TRAPPC9: variants seen among roughly 807,000 people sequenced by gnomAD.
TRAPPC9 encodes the protein trafficking protein particle complex subunit 9, also known as IKK2 binding protein.
TRAPPC9 carries 83 observed loss-of-function variants against 124.0 expected under a neutral mutation model. That is an observed-to-expected ratio of 0.67 (90% CI 0.56 to 0.80). The LOEUF is 0.80. Among genes scored for constraint, TRAPPC9 ranks in the 30% least tolerant of loss-of-function variants. The probability of loss-of-function intolerance (pLI) is 0.00; values close to 1 mark genes in which losing one functional copy is unlikely to be tolerated. For missense variants in TRAPPC9, 1,302 were observed against 1,508.3 expected (o/e 0.86, Z 2.27); for synonymous variants, 638 against 617.5 (o/e 1.03, Z -0.49).
At position 140,365,787 on chromosome 8, in the gene TRAPPC9, C is replaced by T. The variant is rs139338440; in HGVS notation, c.1351+5177G>A. Among the ~76,000 whole-genome samples the T allele has an allele frequency of 5.4e-4, 83 of 152,348 alleles. No homozygotes were observed. In the East Asian group the frequency reaches 0.015, roughly 28 times the overall value. On this transcript the variant is annotated intron_variant, in intron 8 of 22. Transcript: ENST00000438773. ...TAAGGACAATTTATTTCAACTTTTA[C>T]TTTAAGTTCAGGGCTACAAGTGAAG...
chr8:139,816,971 A>G (rs1194044567), intron 21 of TRAPPC9, among the ~76,000 whole-genome samples: 1 of 151,620 alleles, frequency 6.6e-6, no homozygotes, highest in Non-Finnish European at 1.5e-5. Context: ...ATTTAAGTGT[A>G]TATTATCTTG....
chr8:140,171,389 A>C (rs2061961032), intron 17 of TRAPPC9, among the ~76,000 whole-genome samples: 1 of 152,346 alleles, frequency 6.6e-6, no homozygotes, highest in East Asian at 1.9e-4. Context: ...TCCATTGAAA[A>C]TATTAAAATT....
chr8:140,345,297 G>A (rs1204622889), intron 9 of TRAPPC9, among the ~76,000 whole-genome samples: 1 of 152,204 alleles, frequency 6.6e-6, no homozygotes, highest in African/African-American at 2.4e-5. Context: ...TGAGTGAGGA[G>A]AAGTAGCCAG....
chr8:140,448,224 T>C (rs2071337565), intron 2 of TRAPPC9, among the ~76,000 whole-genome samples: 1 of 151,328 alleles, frequency 6.6e-6, no homozygotes, highest in South Asian at 2.1e-4. Flanking sequence ...GAGAGGAGGA[T>C]GTATTTGATT....
At chr8:140,455,615 G>C (rs1326466823) in intron 1 of TRAPPC9, among the ~76,000 whole-genome samples, 10 of 151,920 alleles carry the variant, frequency 6.6e-5, no homozygotes, top group Admixed American at 6.6e-4. Context: ...ATTTTTAGTA[G>C]AGAGGGGGTT....
intron 17 of TRAPPC9, among the ~76,000 whole-genome samples, chr8:140,088,542 G>C (rs564709129): frequency 6.6e-6 from 1 of 152,282 alleles, no homozygotes; most frequent in Admixed American, 6.5e-5. Flanking sequence ...TAACAAAGAA[G>C]AAATGGCCAG....
intron 2 of TRAPPC9, among the ~76,000 whole-genome samples, chr8:140,448,060 C>T (rs1342016855): frequency 6.6e-6 from 1 of 150,604 alleles, no homozygotes; most frequent in Non-Finnish European, 1.5e-5. Flanking sequence ...CACAAAGAAT[C>T]GCTTGAGCCC....
At chr8:140,058,621 G>A (rs910808159) in intron 17 of TRAPPC9, among the ~76,000 whole-genome samples, 7 of 152,168 alleles carry the variant, frequency 4.6e-5, no homozygotes, top group Admixed American at 6.5e-5. Flanking sequence ...GCATCCTGAC[G>A]GAAACCTGCA....
At chr8:139,778,164 AAC>A (rs146077374) in intron 21 of TRAPPC9, among the ~76,000 whole-genome samples, 3 of 151,506 alleles carry the variant, frequency 2.0e-5, no homozygotes, top group Non-Finnish European at 3.0e-5. Context: ...CCATCAGTCA[AAC>A]ACACACACAC....
intron 19 of TRAPPC9, among the ~76,000 whole-genome samples, chr8:139,913,297 G>A (rs1272804645): frequency 6.6e-6 from 1 of 152,222 alleles, no homozygotes; most frequent in Non-Finnish European, 1.5e-5. Context: ...TGGGTGTTCT[G>A]TGTGTACGCT....
Position 139,788,510 on chromosome 8 carries a change from G to A in TRAPPC9, c.3056-56308C>T, listed in dbSNP as rs1323639414. ...CACCCTCCAGGCACAGCCAGCCATC[G>A]GGCGGCCCATGGTCCTGGGGCATGG... On this transcript the variant is annotated intron_variant, in intron 21 of 22. Coordinates refer to ENST00000438773, the MANE Select transcript of TRAPPC9 (RefSeq NM_001160372.4). This position sits in a 1 kb window ranked among gnomAD's most constrained non-coding sequence, Gnocchi z 4.9. 2.6e-5 allele frequency among the ~76,000 whole-genome samples: 4 copies of A among 152,162 alleles called. No individual in the cohort carries two copies. Among genetic ancestry groups the A allele is most frequent in the East Asian group, 1.9e-4 (1 of 5,184 alleles).
At chr8:139,898,123 G>A (rs1272598529) in intron 20 of TRAPPC9, among the ~76,000 whole-genome samples, 1 of 152,216 alleles carries the variant, frequency 6.6e-6, no homozygotes, top group Non-Finnish European at 1.5e-5. Context: ...TACGCAAGTG[G>A]GGCTCCTCCT....
chr8:140,063,835 G>C lies in TRAPPC9; in HGVS notation c.2557-39756C>G, dbSNP rs907038049. Among the ~76,000 whole-genome samples, 5 of 151,880 alleles carry C rather than the reference G, an allele frequency of 3.3e-5. No homozygotes were observed. Among genetic ancestry groups the C allele is most frequent in the Admixed American group, 1.3e-4 (2 of 15,250 alleles). ...TTGCCTGCTCTCTTGTCACCCTTTC[G>C]GGTTCACAATTTGCCCGCTTCCTAT... is the stretch of plus-strand genomic sequence containing the variant. On this transcript the variant is annotated intron_variant, in intron 17 of 22. Transcript: ENST00000438773. The surrounding 1 kb of genome is among the most constrained non-coding windows in gnomAD (Gnocchi z 4.3).
intron 17 of TRAPPC9, among the ~76,000 whole-genome samples, chr8:140,219,307 C>G (rs1337661217): frequency 2.0e-5 from 3 of 152,222 alleles, no homozygotes; most frequent in Non-Finnish European, 4.4e-5. Context: ...CAGAATCACA[C>G]AGACCTTGCT....
chr8:139,898,664 C>G (rs1158427073), intron 20 of TRAPPC9, among the ~76,000 whole-genome samples: 1 of 152,152 alleles, frequency 6.6e-6, no homozygotes, highest in Non-Finnish European at 1.5e-5. Flanking sequence ...AGCTTCATAC[C>G]CGCCACATGT....
At chr8:139,779,098 G>T (rs1031632689) in intron 21 of TRAPPC9, among the ~76,000 whole-genome samples, 4 of 152,014 alleles carry the variant, frequency 2.6e-5, no homozygotes, top group Non-Finnish European at 5.9e-5. Context: ...ATCAAAATTA[G>T]ACAGAAAAGA....
Position 139,731,006 on chromosome 8 carries a change from A to G in TRAPPC9, c.*55T>C. ...CCTTGCTCATTGCAGGGGGTGTGGGAGGCCAGGCAGGGTCACCTCTGGCCC... is the reference window on the plus strand; with the variant it reads ...CCTTGCTCATTGCAGGGGGTGTGGGGGGCCAGGCAGGGTCACCTCTGGCCC... On this transcript the variant is annotated 3_prime_UTR_variant, in exon 23 of 23. Transcript: ENST00000438773. 1 of 1,591,544 alleles carries G rather than the reference A, an allele frequency of 6.3e-7. No homozygotes were observed. The highest frequency in any genetic ancestry group is 1.1e-5 in the South Asian group (1 of 89,680).
At chr8:140,331,994 T>A (rs1588163384) in intron 9 of TRAPPC9, among the ~76,000 whole-genome samples, 1 of 151,996 alleles carries the variant, frequency 6.6e-6, no homozygotes, top group East Asian at 1.9e-4. Context: ...GGAAAAGAAA[T>A]CAGGATGTCA....
intron 14 of TRAPPC9, among the ~76,000 whole-genome samples, chr8:140,283,294 CTTTTTTTT>C (rs376320364): frequency 3.1e-5 from 3 of 97,238 alleles, no homozygotes; most frequent in African/African-American, 1.3e-4. Context: ...ATTAAAATTC[CTTTTTTTT>C]TTTTTTTTTT....
Sources: gnomAD v4.1 joint callset for allele counts (sites outside exome capture counted in the v4.1 genomes callset) on GRCh38, gnomAD v4.1.1 for gene constraint, Gnocchi (gnomAD v3.1) non-coding constraint, MANE v1.5 for transcripts, NCBI Gene and HGNC (gene_info 2026-07-23, HGNC 2026-07-21) for gene names.